Variants in PGGT1B observed in about 807,000 individuals in gnomAD.
PGGT1B encodes the protein protein geranylgeranyltransferase type I subunit beta.
PGGT1B carries 30 observed loss-of-function variants against 46.1 expected under a neutral mutation model. The ratio of observed to expected loss-of-function variants is 0.65; its 90% CI spans 0.49 to 0.88. The LOEUF is 0.88. PGGT1B is among the 40% of genes least tolerant of loss of function. The pLI is 0.00. For missense variants in PGGT1B, 376 were observed against 455.9 expected, an observed-to-expected ratio of 0.82 and a Z score of 1.60; for synonymous variants, 170 against 160.0, an observed-to-expected ratio of 1.06 and a Z score of -0.47.
At chr5:115,250,702 T>TA (rs1447433866) in intron 2 of PGGT1B, among the ~76,000 whole-genome samples, 2 of 152,112 alleles carry the variant, frequency 1.3e-5, no homozygotes, top group East Asian at 3.8e-4. Flanking sequence ...CTATAATAAT[T>TA]AAAAAGCTCC....
chr5:115,239,515 TTAAAG>T (rs1757285975), intron 3 of PGGT1B, among the ~76,000 whole-genome samples: 1 of 152,340 alleles, frequency 6.6e-6, no homozygotes, highest in South Asian at 2.1e-4. Flanking sequence ...TTTTTGATAC[TTAAAG>T]TAAATACCTG....
chr5:115,253,163 G>A lies in PGGT1B; in HGVS notation c.233C>T (p.Ser78Phe). 1.2e-6 allele frequency: 2 copies of A among 1,606,024 alleles called. No homozygotes were observed. Among genetic ancestry groups the A allele is most frequent in the Non-Finnish European group, 1.7e-6 (2 of 1,176,784 alleles). ...GTCTTCTGTGGGAAGGACCTGCAGG[G>A]AATAAATCCACTCTATTATATCATC... The part of the protein sequence containing the change: ...NKDDIIEWIY[S>F]LQVLPTEDRS... Residue 78 changes from serine to phenylalanine, a missense_variant, in exon 2 of 9, where the codon TCC (serine) becomes TTC (phenylalanine). By Grantham distance (155) the Ser-to-Phe change is radical. Transcript: ENST00000419445.
intron 3 of PGGT1B, among the ~76,000 whole-genome samples, chr5:115,238,685 T>C (rs908576855): frequency 4.6e-5 from 7 of 152,184 alleles, no homozygotes; most frequent in African/African-American, 1.2e-4. Flanking sequence ...CTATAATAAA[T>C]GTAAACTTTT....
chr5:115,257,721 C>T (rs1022483916), intron 1 of PGGT1B, among the ~76,000 whole-genome samples: 1 of 152,092 alleles, frequency 6.6e-6, no homozygotes, highest in African/African-American at 2.4e-5. Flanking sequence ...GTGTCTTAAA[C>T]AAGTGTCTTA....
intron 5 of PGGT1B, among the ~76,000 whole-genome samples, chr5:115,236,039 A>AT (rs1257214755): frequency 1.3e-5 from 2 of 152,246 alleles, no homozygotes; most frequent in East Asian, 3.9e-4. Flanking sequence ...CTCACCAAAG[A>AT]TAACATAATC....
In PGGT1B at chr5:115,208,986, C is replaced by T. The variant is rs768287492; in HGVS notation, c.*3416G>A. ...TATACTAACTTTGACTGGAGTTGGA[C>T]TGTAATCCTGGCTCACTTACTCTTT... On this transcript the variant is annotated 3_prime_UTR_variant, in exon 9 of 9. Coordinates refer to ENST00000419445, the MANE Select transcript of PGGT1B (RefSeq NM_005023.4). The T allele has an allele frequency of 1.3e-5, 2 of 151,984 alleles. No individual in the cohort carries two copies. Among genetic ancestry groups the T allele is most frequent in the African/African-American group, 4.8e-5 (2 of 41,398 alleles). 9.4% of individuals were successfully genotyped at this position (151,984 alleles called of 1,614,324 possible). A position where few individuals can be genotyped will look rare whatever the true frequency, so the allele number is the denominator to read the frequency against.
At chr5:115,217,083 C>T in intron 7 of PGGT1B, 110 bp from the exon 8 acceptor site, 1 of 635,074 alleles carries the variant, frequency 1.6e-6, no homozygotes, top group Non-Finnish European at 2.8e-6. Flanking sequence ...CTAAGGTGCT[C>T]AGACCAAGTC....
chr5:115,228,547 G>A (rs1227421726), intron 6 of PGGT1B, among the ~76,000 whole-genome samples: 3 of 149,372 alleles, frequency 2.0e-5, no homozygotes, highest in African/African-American at 7.4e-5. Context: ...TTTAAATCAC[G>A]AGCTTGAACC....
chr5:115,221,884 AT>A lies in PGGT1B; in HGVS notation c.782del (p.His261LeufsTer8). 1 of 1,610,176 alleles carries A rather than the reference AT, an allele frequency of 6.2e-7. No individual in the cohort carries two copies. The highest frequency in any genetic ancestry group is 8.5e-7 in the Non-Finnish European group (1 of 1,178,336). On this transcript the variant is annotated frameshift_variant, in exon 7 of 9. Transcript: ENST00000419445. LOFTEE classifies it high-confidence loss of function. ...WCIMRQQNGY[H>X]GRPNKPVDTC... ...TGTCTACAGGCTTATTAGGTCTTCC[AT>A]GATAACCATTTTGTTGCCTCATTAT... is the stretch of plus-strand genomic sequence containing the variant.
chr5:115,262,190 C>T (rs2127040570), intron 1 of PGGT1B, among the ~76,000 whole-genome samples: 1 of 152,318 alleles, frequency 6.6e-6, no homozygotes, highest in South Asian at 2.1e-4. Flanking sequence ...ATACTTTTAA[C>T]AGGCTGCTTC....
At chr5:115,216,431 T>C (rs868860010) in intron 8 of PGGT1B, among the ~76,000 whole-genome samples, 7 of 152,208 alleles carry the variant, frequency 4.6e-5, no homozygotes, top group Non-Finnish European at 8.8e-5. Flanking sequence ...TGAGCCACTG[T>C]GCCCGGCCTA....
chr5:115,226,191 T>A (rs749325926), intron 6 of PGGT1B, among the ~76,000 whole-genome samples: 1 of 152,036 alleles, frequency 6.6e-6, no homozygotes, highest in Non-Finnish European at 1.5e-5. Flanking sequence ...AAGATGAGTA[T>A]CTCTAATCCA....
intron 6 of PGGT1B, among the ~76,000 whole-genome samples, chr5:115,225,306 A>C (rs1756736870): frequency 6.6e-6 from 1 of 152,240 alleles, no homozygotes; most frequent in African/African-American, 2.4e-5. Flanking sequence ...TCAGTCATAA[A>C]ACATCACAGA....
rs767299766 is a variant in PGGT1B, at chr5:115,237,994, G to A, written c.343C>T (p.His115Tyr). Reference protein sequence around the residue: ...FNPSKAPGTAHPYDSGHIAMT... With the variant: ...FNPSKAPGTAYPYDSGHIAMT... ...GCAATGTGGCCACTATCATAAGGAT[G>A]AGCTGTTCCAGGAGCCTAAATACAA... Residue 115 changes from histidine to tyrosine, a missense_variant, in exon 4 of 9, where the codon CAT (histidine) becomes TAT (tyrosine). Physicochemically the swap from His to Tyr is moderately conservative, Grantham distance 83 (BLOSUM62 2). Coordinates refer to ENST00000419445, the MANE Select transcript of PGGT1B (RefSeq NM_005023.4). The A allele has an allele frequency of 2.5e-6, 4 of 1,605,706 alleles. No individual in the cohort carries two copies. The highest frequency in any genetic ancestry group is 2.2e-5 in the East Asian group (1 of 44,786).
Position 115,206,983 on chromosome 5 carries a change from GTCTA to G in PGGT1B, c.*5415_*5418del, listed in dbSNP as rs1040857091. On this transcript the variant is annotated 3_prime_UTR_variant, in exon 9 of 9. Transcript: ENST00000419445. The stretch of plus-strand genomic sequence containing the variant: ...GTGGGGAAAGACATGTTTTGATGTT[GTCTA>G]TCTAAGAATATCATGTATCTTTCCA... The G allele has an allele frequency of 2.0e-5, 3 of 151,618 alleles. No individual in the cohort carries two copies. The highest frequency in any genetic ancestry group is 2.1e-4 in the South Asian group (1 of 4,806). 9.4% of individuals were successfully genotyped at this position (151,618 alleles called of 1,614,324 possible).
intron 6 of PGGT1B, among the ~76,000 whole-genome samples, chr5:115,229,560 T>C (rs1403394400): frequency 1.3e-5 from 2 of 152,088 alleles, no homozygotes; most frequent in African/African-American, 2.4e-5. Context: ...TTAGACAGTG[T>C]CATGTTTGGG....
intron 6 of PGGT1B, among the ~76,000 whole-genome samples, chr5:115,228,063 A>G (rs1250784150): frequency 5.3e-5 from 8 of 152,210 alleles, no homozygotes; most frequent in African/African-American, 1.9e-4. Flanking sequence ...AAAATCAATA[A>G]ATCTACGTTA....
At chr5:115,218,716 T>C (rs1373942868) in intron 7 of PGGT1B, among the ~76,000 whole-genome samples, 1 of 151,726 alleles carries the variant, frequency 6.6e-6, no homozygotes, top group African/African-American at 2.4e-5. Flanking sequence ...ACCACTGTTT[T>C]GTAACCTCTT....
chr5:115,260,583 A>C (rs894672490), intron 1 of PGGT1B, among the ~76,000 whole-genome samples: 4 of 152,216 alleles, frequency 2.6e-5, no homozygotes, highest in Non-Finnish European at 5.9e-5. Flanking sequence ...GTGCTAAAGA[A>C]AATAAAGTCT....
Sources: gnomAD v4.1 joint callset for allele counts (sites outside exome capture counted in the v4.1 genomes callset) on GRCh38, gnomAD v4.1.1 for gene constraint, MANE v1.5 for transcripts, NCBI Gene and HGNC (gene_info 2026-07-23, HGNC 2026-07-21) for gene names.